Variants in PTPRR observed in about 807,000 individuals in gnomAD.
PTPRR encodes the protein receptor-type tyrosine-protein phosphatase R.
Under a neutral mutation model 77.2 loss-of-function variants are expected in PTPRR, and 38 were observed. The ratio of observed to expected loss-of-function variants is 0.49; its 90% CI spans 0.38 to 0.65. The LOEUF is 0.65. Among genes scored for constraint, PTPRR ranks in the 30% least tolerant of loss-of-function variants. The pLI is 0.00. For missense variants in PTPRR, 744 were observed against 799.2 expected (o/e 0.93, Z 0.83); for synonymous variants, 299 against 283.1 (o/e 1.06, Z -0.57).
At chr12:70,827,751 TCTGTTGTCCAGGCTGGAGTGCAGTGGCA>T (rs1443299622) in intron 2 of PTPRR, among the ~76,000 whole-genome samples, 2 of 133,918 alleles carry the variant, frequency 1.5e-5, no homozygotes, top group Admixed American at 1.6e-4. Flanking sequence ...GGAGTCTTGC[TCTGTTGTCCAGGCTGGAGTGCAGTGGCA>T]CAGTCTCGGC....
intron 10 of PTPRR, among the ~76,000 whole-genome samples, chr12:70,679,158 T>A (rs1887562232): frequency 6.6e-6 from 1 of 152,258 alleles, no homozygotes; most frequent in Admixed American, 6.5e-5. Context: ...TAAGTGTCCC[T>A]TTTAATGTCT....
At chr12:70,858,568 C>A (rs1025016058) in intron 2 of PTPRR, among the ~76,000 whole-genome samples, 1 of 146,974 alleles carries the variant, frequency 6.8e-6, no homozygotes, top group Admixed American at 6.6e-5. Context: ...AGTTTGGGCA[C>A]TTTATCCTCT....
intron 6 of PTPRR, among the ~76,000 whole-genome samples, chr12:70,708,915 C>A (rs1391156533): frequency 6.6e-6 from 1 of 151,550 alleles, no homozygotes; most frequent in African/African-American, 2.4e-5. Context: ...ACCAAAGAAC[C>A]CTTTTAATCC....
intron 1 of PTPRR, 90 bp downstream of exon 1, chr12:70,920,243 T>C: frequency 1.4e-6 from 2 of 1,406,702 alleles, no homozygotes; most frequent in Admixed American, 3.6e-5. Flanking sequence ...AAAGGCTTTC[T>C]TCGCAAGGCA....
At chr12:70,847,225 G>A (rs1044030067) in intron 2 of PTPRR, among the ~76,000 whole-genome samples, 2 of 152,158 alleles carry the variant, frequency 1.3e-5, no homozygotes, top group Admixed American at 6.5e-5. Flanking sequence ...GTTGTGTGAG[G>A]CTTAAATGTA....
intron 10 of PTPRR, among the ~76,000 whole-genome samples, chr12:70,665,188 C>A (rs548287955): frequency 3.8e-4 from 58 of 152,074 alleles, no homozygotes; most frequent in Non-Finnish European, 7.4e-4. Flanking sequence ...GTAAAATTAT[C>A]TATTAATTCT....
intron 2 of PTPRR, among the ~76,000 whole-genome samples, chr12:70,824,322 T>C (rs938282186): frequency 2.0e-5 from 3 of 152,202 alleles, no homozygotes; most frequent in African/African-American, 7.2e-5. Context: ...TGGTAAATGC[T>C]TCTCAAGTAG....
intron 1 of PTPRR, among the ~76,000 whole-genome samples, chr12:70,895,215 A>G (rs1422895078): frequency 6.6e-6 from 1 of 151,704 alleles, no homozygotes; most frequent in Non-Finnish European, 1.5e-5. Context: ...TAAATAGTAA[A>G]TAAAAAGAAA....
intron 2 of PTPRR, among the ~76,000 whole-genome samples, chr12:70,784,249 C>T (rs1891272744): frequency 6.6e-6 from 1 of 152,178 alleles, no homozygotes; most frequent in African/African-American, 2.4e-5. Context: ...GCCTGGACAC[C>T]TTGCAGTTGC....
chr12:70,686,843 C>A (rs1052445178), intron 8 of PTPRR, among the ~76,000 whole-genome samples: 3 of 152,116 alleles, frequency 2.0e-5, no homozygotes, highest in African/African-American at 7.2e-5. Context: ...CTCAACTAAG[C>A]CACTCCCCAA....
At chr12:70,909,603 T>C (rs138873895) in intron 1 of PTPRR, among the ~76,000 whole-genome samples, 1 of 152,292 alleles carries the variant, frequency 6.6e-6, no homozygotes, top group African/African-American at 2.4e-5. Context: ...AAAACATTAG[T>C]ATAAGCAAAG....
chr12:70,774,778 T>C (rs962006594), intron 2 of PTPRR, among the ~76,000 whole-genome samples: 1 of 152,210 alleles, frequency 6.6e-6, no homozygotes, highest in Non-Finnish European at 1.5e-5. Flanking sequence ...GAAAGGATTC[T>C]AGATAAAAAT....
intron 6 of PTPRR, among the ~76,000 whole-genome samples, chr12:70,701,886 T>A (rs1467783094): frequency 6.6e-6 from 1 of 152,002 alleles, no homozygotes; most frequent in Non-Finnish European, 1.5e-5. Context: ...GGTGAGAGAA[T>A]CATTTGAGCC....
intron 10 of PTPRR, chr12:70,672,835 G>A: frequency 6.4e-7 from 1 of 1,562,232 alleles, no homozygotes. Flanking sequence ...TGAAGAACTA[G>A]GTGTCATCAT....
intron 2 of PTPRR, among the ~76,000 whole-genome samples, chr12:70,844,658 T>C (rs1173062867): frequency 6.6e-6 from 1 of 152,172 alleles, no homozygotes; most frequent in African/African-American, 2.4e-5. Flanking sequence ...ATGATTGTGG[T>C]TAATATATAC....
At chr12:70,915,282 C>G (rs569537583) in intron 1 of PTPRR, among the ~76,000 whole-genome samples, 3 of 152,176 alleles carry the variant, frequency 2.0e-5, no homozygotes, top group Admixed American at 2.0e-4. Flanking sequence ...AGGATGAGGA[C>G]GGAAGCTGAT....
chr12:70,678,003 C>T (rs186445492), intron 10 of PTPRR, among the ~76,000 whole-genome samples: 1 of 151,968 alleles, frequency 6.6e-6, no homozygotes, highest in Non-Finnish European at 1.5e-5. Flanking sequence ...TGGTAGAATT[C>T]ATTGGTGAAG....
At chr12:70,749,446 T>G (rs1482852031) in intron 5 of PTPRR, among the ~76,000 whole-genome samples, 3 of 152,170 alleles carry the variant, frequency 2.0e-5, no homozygotes, top group African/African-American at 7.2e-5. Flanking sequence ...GTGCAATAAA[T>G]GGAAGAAACT....
intron 1 of PTPRR, among the ~76,000 whole-genome samples, chr12:70,896,114 G>T (rs138143468): frequency 2.6e-4 from 40 of 151,554 alleles, no homozygotes; most frequent in African/African-American, 7.5e-4. Context: ...TCAGCACAAA[G>T]AAATTCCCAA....
Sources: allele counts gnomAD v4.1 joint callset (sites outside exome capture counted in the v4.1 genomes callset), GRCh38; gene constraint gnomAD v4.1.1; transcripts MANE v1.5; gene names NCBI Gene and HGNC (gene_info 2026-07-23, HGNC 2026-07-21).